Variants in GIGYF1 observed in about 807,000 individuals in gnomAD.
GIGYF1 encodes GRB10 interacting GYF protein 1, also known as GRB10-interacting GYF protein 1.
A neutral mutation model predicts 147.1 loss-of-function variants in GIGYF1; 84 were observed. The ratio of observed to expected loss-of-function variants is 0.57; its 90% confidence interval spans 0.48 to 0.68. The LOEUF is 0.68. Among genes scored for constraint, GIGYF1 ranks in the 30% least tolerant of loss-of-function variants. GIGYF1 has a pLI of 0.00. For missense variants in GIGYF1, 1,485 were observed against 1,393.7 expected (o/e 1.07, Z -1.04); for synonymous variants, 752 against 589.5 (o/e 1.28, Z -3.99).
At chr7:100,685,011 G>C in intron 14 of GIGYF1, 38 bp downstream of exon 14, 1 of 1,554,136 alleles carries the variant, frequency 6.4e-7, no homozygotes, top group Non-Finnish European at 8.7e-7. Context: ...CAGGTCAGAA[G>C]TGGGAAGGGT....
intron 1 of GIGYF1, among the ~76,000 whole-genome samples, chr7:100,691,262 C>CA (rs1187253449): frequency 6.6e-6 from 1 of 152,218 alleles, no homozygotes; most frequent in Non-Finnish European, 1.5e-5. Flanking sequence ...AGGGCAGCCC[C>CA]ACAGCCAAGA....
chr7:100,687,751 C>T, intron 6 of GIGYF1, 37 bp downstream of exon 6: 3 of 1,602,128 alleles, frequency 1.9e-6, no homozygotes, highest in Non-Finnish European at 2.6e-6. Flanking sequence ...CCTCCCCTCC[C>T]AGGCTCCCGC....
chr7:100,689,865 A>C (rs1045355624), intron 1 of GIGYF1, among the ~76,000 whole-genome samples: 3 of 152,168 alleles, frequency 2.0e-5, no homozygotes, highest in Non-Finnish European at 4.4e-5. Context: ...TCACGCTAAG[A>C]GAAACACACC....
Position 100,682,467 on chromosome 7 carries a change from G to A in GIGYF1, c.2616C>T (p.His872=). ...SSPSLSDSYS[H]LSGRPIRKKT... is the part of the protein sequence containing the mutation. ...TTTTGCGAATGGGCCGACCCGATAG[G>A]TGGCTGTATGAGTCACTGAAGGGGG... is the stretch of plus-strand genomic sequence containing the variant. Residue 872 remains histidine (H), a synonymous_variant, in exon 24 of 27, where the codon CAC becomes CAT. Coordinates refer to ENST00000678049, the MANE Select transcript of GIGYF1 (RefSeq NM_001375765.1). 6.2e-7 allele frequency: 1 copy of A among 1,612,570 alleles called. No homozygotes were observed. The highest frequency in any genetic ancestry group is 8.5e-7 in the Non-Finnish European group (1 of 1,179,976).
At position 100,686,767 on chromosome 7, in the gene GIGYF1, G is replaced by T. The variant is rs372977601; in HGVS notation, c.576C>A (p.Arg192=). The T allele has an allele frequency of 3.8e-5, 62 of 1,613,952 alleles. No homozygotes were observed. The highest frequency in any genetic ancestry group is 5.3e-5 in the Non-Finnish European group (62 of 1,180,022). ...GGGAGCGCCAGTTCTCGCTGTCTGA[G>T]CGGGCGTGCTCCTTCCTTGGGCCAG... ...GGAGPRKEHA[R]SDSENWRSLR... The change falls in exon 10 of 27, where the codon CGC becomes CGA. Residue 192 remains arginine (R), a synonymous_variant. Transcript: ENST00000678049.
At position 100,690,383 on chromosome 7, in the gene GIGYF1, C is replaced by T. The variant is rs550490362; in HGVS notation, c.-1098-828G>A. ...ACCTGGCCAGCACAATGGCTTATGC[C>T]TATAATCCCAGCACTGTGGGAGGCT... On this transcript the variant is annotated intron_variant, in intron 1 of 26. Coordinates refer to ENST00000678049, the MANE Select transcript of GIGYF1 (RefSeq NM_001375765.1). 1.1e-4 allele frequency among the ~76,000 whole-genome samples: 17 copies of T among 152,258 alleles called. No homozygotes were observed. In the East Asian group the frequency reaches 3.3e-3, roughly 29 times the overall value.
chr7:100,683,498 G>C (rs1805000885), intron 20 of GIGYF1, 52 bp downstream of exon 20: 3 of 1,613,712 alleles, frequency 1.9e-6, no homozygotes, highest in Non-Finnish European at 2.5e-6. Flanking sequence ...CCTGGGGCCT[G>C]CCTCGGTCCA....
Position 100,683,878 on chromosome 7 carries a change from A to G in GIGYF1, c.1909T>C (p.Leu637=). ...AGGCGGCCCGAATCTGGCACCGACA[A>G]GGACCGGCTCATCGTCGGGAGCAGG... The part of the protein sequence containing the change: ...QNLLPTMSRS[L]SVPDSGRLWD... The change falls in exon 19 of 27, where the codon TTG becomes CTG. Residue 637 remains leucine (L), a synonymous_variant. Transcript: ENST00000678049. The G allele has an allele frequency of 6.4e-7, 1 of 1,559,550 alleles. No individual in the cohort carries two copies. Among genetic ancestry groups the G allele is most frequent in the Non-Finnish European group, 8.7e-7 (1 of 1,151,256 alleles).
In GIGYF1 at chr7:100,680,659, G is replaced by C. The variant is rs221790; in HGVS notation, c.*1060C>G. 96,246 of 152,452 alleles carry C rather than the reference G, an allele frequency of 0.63. 30,662 individuals are homozygous for C. Among genetic ancestry groups the C allele is most frequent in the East Asian group, 0.81 (4,182 of 5,152 alleles). The allele number at this position is 152,452 out of a possible 1,614,324, so 9.4% of individuals were successfully genotyped here. Reference sequence around the variant, plus strand: ...GGCCCCGGGCGGCAGCCCCTCTACTGCAACCCTAAGCCCAAAGCCACCCAC... The same window carrying C: ...GGCCCCGGGCGGCAGCCCCTCTACTCCAACCCTAAGCCCAAAGCCACCCAC... On this transcript the variant is annotated 3_prime_UTR_variant, in exon 27 of 27. Transcript: ENST00000678049.
rs202101561 is a variant in GIGYF1, at chr7:100,687,890, G to C, written c.166-7C>G. The C allele has an allele frequency of 1.2e-6, 2 of 1,613,684 alleles. No homozygotes were observed. Among genetic ancestry groups the C allele is most frequent in the Non-Finnish European group, 1.7e-6 (2 of 1,179,984 alleles). On this transcript the variant is annotated splice_polypyrimidine_tract_variant and splice_region_variant and intron_variant, in intron 5 of 26. Transcript: ENST00000678049. ...CCTGCAGCTCTTCCGGGACCTGGCA[G>C]TGGGTTGGGACAGCCAAGACACCAC...
At position 100,688,586 on chromosome 7, in the gene GIGYF1, G is replaced by GA; in HGVS notation, c.-135+5_-135+6insT. The GA allele has an allele frequency of 1.8e-6, 1 of 543,706 alleles. No individual in the cohort carries two copies. 33.7% of individuals were successfully genotyped at this position (543,706 alleles called of 1,614,324 possible). On this transcript the variant is annotated splice_donor_region_variant and intron_variant, in intron 2 of 26. Transcript: ENST00000678049. Reference sequence around the variant, plus strand: ...GCAGGGCAACCACCCTTGGCCCGGGGCTCACCTGGCAGCCTGGCCCGGGAA... The same window carrying GA: ...GCAGGGCAACCACCCTTGGCCCGGGGACTCACCTGGCAGCCTGGCCCGGGAA...
In GIGYF1 at chr7:100,683,547, C is replaced by T. The variant is rs1298700880; in HGVS notation, c.2052+3G>A. 1 of 1,614,172 alleles carries T rather than the reference C, an allele frequency of 6.2e-7. No individual in the cohort carries two copies. The highest frequency in any genetic ancestry group is 8.5e-7 in the Non-Finnish European group (1 of 1,179,960). Reference sequence around the variant, plus strand: ...GGGCCTCAGCCCCAGGATGCCCACTCACTTTATGTTGCAGCTGGAGTTGTT... The same window carrying T: ...GGGCCTCAGCCCCAGGATGCCCACTTACTTTATGTTGCAGCTGGAGTTGTT... On this transcript the variant is annotated splice_donor_region_variant and intron_variant, in intron 20 of 26. Coordinates refer to ENST00000678049, the MANE Select transcript of GIGYF1 (RefSeq NM_001375765.1).
chr7:100,683,207 C>A lies in GIGYF1; in HGVS notation c.2217G>T (p.Leu739=), dbSNP rs945356104. 6.2e-7 allele frequency: 1 copy of A among 1,610,272 alleles called. No homozygotes were observed. Among genetic ancestry groups the A allele is most frequent in the Non-Finnish European group, 8.5e-7 (1 of 1,179,880 alleles). The change falls in exon 22 of 27, where the codon CTG becomes CTT. Residue 739 remains leucine, a synonymous_variant. Transcript: ENST00000678049. ...CCGCCTGCTGCTGCTGTAGCAACTTCAGCAATAGCTCCTGCTGCCGCACCT... is the reference window on the plus strand; with the variant it reads ...CCGCCTGCTGCTGCTGTAGCAACTTAAGCAATAGCTCCTGCTGCCGCACCT... ...RKHVRQQELL[L]KLLQQQQAVP... is the part of the protein sequence containing the mutation.
rs188600231 is a variant in GIGYF1 at position 100,681,626 on chromosome 7, T to G, written c.*93A>C. 21 of 1,243,240 alleles carry G rather than the reference T, an allele frequency of 1.7e-5. No individual in the cohort carries two copies. Among genetic ancestry groups the G allele is most frequent in the African/African-American group, 1.2e-4 (8 of 66,158 alleles). 77.0% of individuals were successfully genotyped at this position (1,243,240 alleles called of 1,614,324 possible). A position where few individuals can be genotyped will look rare whatever the true frequency, so the allele number is the denominator to read the frequency against. ...GGGACCCCGCCCCTGCCTCTTCCTG[T>G]GCTCTCTGCGGGGAGCCTGCAGGCT... On this transcript the variant is annotated 3_prime_UTR_variant, in exon 27 of 27. Coordinates refer to ENST00000678049, the MANE Select transcript of GIGYF1 (RefSeq NM_001375765.1).
In GIGYF1 at chr7:100,682,474, T is replaced by C. The variant is rs781173140; in HGVS notation, c.2609A>G (p.Tyr870Cys). 5 of 1,612,168 alleles carry C rather than the reference T, an allele frequency of 3.1e-6. No individual in the cohort carries two copies. The South Asian group carries it at 3.3e-5, about 11-fold the overall frequency. Residue 870 changes from tyrosine (Y) to cysteine (C), a missense_variant, in exon 24 of 27, where the codon TAC (tyrosine) becomes TGC (cysteine). Coordinates refer to ENST00000678049, the MANE Select transcript of GIGYF1 (RefSeq NM_001375765.1). ...AATGGGCCGACCCGATAGGTGGCTG[T>C]ATGAGTCACTGAAGGGGGAGGGTGA... The part of the protein sequence containing the change: ...SRSSPSLSDS[Y>C]SHLSGRPIRK...
intron 24 of GIGYF1, 36 bp from the exon 25 acceptor site, chr7:100,682,271 C>T (rs1353944922): frequency 1.9e-6 from 3 of 1,608,026 alleles, no homozygotes; most frequent in Non-Finnish European, 2.5e-6. Flanking sequence ...GGCCCCCTGG[C>T]CGGGTCTGGA....
intron 1 of GIGYF1, among the ~76,000 whole-genome samples, chr7:100,692,228 C>A (rs1805885083): frequency 6.6e-6 from 1 of 152,224 alleles, no homozygotes; most frequent in East Asian, 1.9e-4. Context: ...CGCGGCTGGT[C>A]GGTTATCCCA....
At position 100,687,384 on chromosome 7, in the gene GIGYF1, G is replaced by A. The variant is rs528534208; in HGVS notation, c.396C>T (p.Cys132=). The change falls in exon 8 of 27, where the codon TGC becomes TGT. Residue 132 remains cysteine (C), a synonymous_variant. Coordinates refer to ENST00000678049, the MANE Select transcript of GIGYF1 (RefSeq NM_001375765.1). ...RSRGRGRGDS[C]FYQRSIEEGD... Reference sequence around the variant, plus strand: ...CTTCTTCGATGCTTCTTTGGTAAAAGCAGCTGTCACCACGGCCGCGGCCTA... The same window carrying A: ...CTTCTTCGATGCTTCTTTGGTAAAAACAGCTGTCACCACGGCCGCGGCCTA... 1 of 1,613,438 alleles carries A rather than the reference G, an allele frequency of 6.2e-7. No individual in the cohort carries two copies. The highest frequency in any genetic ancestry group is 1.3e-5 in the African/African-American group (1 of 75,060).
At chr7:100,683,984 C>G (rs574699936) in intron 18 of GIGYF1, 36 bp downstream of exon 18, 53 of 1,585,928 alleles carry the variant, frequency 3.3e-5, no homozygotes, top group East Asian at 1.4e-4. Flanking sequence ...ATCCCCCCCC[C>G]ACCCTGTATC....
Sources: allele counts gnomAD v4.1 joint callset (sites outside exome capture counted in the v4.1 genomes callset), GRCh38; gene constraint gnomAD v4.1.1; transcripts MANE v1.5; gene names NCBI Gene and HGNC (gene_info 2026-07-23, HGNC 2026-07-21).